PSMG1: variants seen among roughly 807,000 people sequenced by gnomAD.
The protein encoded by PSMG1 is Down syndrome critical region gene 2.
Under a neutral mutation model 37.2 loss-of-function variants are expected in PSMG1, and 23 were observed. The ratio of observed to expected loss-of-function variants is 0.62; its 90% CI spans 0.44 to 0.88. PSMG1 has a LOEUF of 0.88. Among genes scored for constraint, PSMG1 ranks in the 40% least tolerant of loss-of-function variants. The pLI, the probability that PSMG1 is intolerant of heterozygous loss-of-function variation, is 0.00. For synonymous variants in PSMG1, 127 were observed against 128.0 expected, an observed-to-expected ratio of 0.99 and a Z score of 0.05; for missense variants, 340 against 344.2, an observed-to-expected ratio of 0.99 and a Z score of 0.10.
At position 39,177,492 on chromosome 21, in the gene PSMG1, G is replaced by T; in HGVS notation, c.735C>A (p.Ile245=). The T allele has an allele frequency of 6.2e-7, 1 of 1,608,276 alleles. No individual in the cohort carries two copies. Among genetic ancestry groups the T allele is most frequent in the Non-Finnish European group, 8.5e-7 (1 of 1,177,576 alleles). Residue 245 remains isoleucine, a synonymous_variant, in exon 6 of 7, where the codon ATC becomes ATA. Transcript: ENST00000331573. The part of the protein sequence containing the change: ...CYTDVMKLDL[I]TVEAFKPILS... Reference sequence around the variant, plus strand: ...GTATAGGCTTAAAAGCTTCCACTGTGATTAGGTCTAATTTCATCACATCAG... The same window carrying T: ...GTATAGGCTTAAAAGCTTCCACTGTTATTAGGTCTAATTTCATCACATCAG...
At chr21:39,177,717 A>G (rs2030680031) in intron 5 of PSMG1, 146 bp from the exon 6 acceptor site, 4 of 513,748 alleles carry the variant, frequency 7.8e-6, no homozygotes, top group Non-Finnish European at 9.2e-6. Flanking sequence ...ATTTTGAACC[A>G]ATTATAATGA....
Position 39,177,519 on chromosome 21 carries a change from A to T in PSMG1, c.708T>A (p.Tyr236Ter). 1 of 1,606,110 alleles carries T rather than the reference A, an allele frequency of 6.2e-7. No individual in the cohort carries two copies. The highest frequency in any genetic ancestry group is 8.5e-7 in the Non-Finnish European group (1 of 1,176,078). The change falls in exon 6 of 7, where the codon TAT becomes TAA. Residue 236 changes from tyrosine to a stop codon, truncating the protein, a stop_gained. Transcript: ENST00000331573. LOFTEE classifies it high-confidence loss of function. Reference sequence around the variant, plus strand: ...TTAGGTCTAATTTCATCACATCAGTATAACACAAGTACAGAATTGCTGGGA... The same window carrying T: ...TTAGGTCTAATTTCATCACATCAGTTTAACACAAGTACAGAATTGCTGGGA... ...WKIPAILYLC[Y>*]TDVMKLDLIT... is the part of the protein sequence containing the mutation.
chr21:39,177,486 C>CA lies in PSMG1; in HGVS notation c.740dup (p.Glu248GlyfsTer4). On this transcript the variant is annotated frameshift_variant, in exon 6 of 7. Transcript: ENST00000331573. LOFTEE classifies it high-confidence loss of function. Reference sequence around the variant, plus strand: ...TAGAAAGTATAGGCTTAAAAGCTTCCACTGTGATTAGGTCTAATTTCATCA... The same window carrying CA: ...TAGAAAGTATAGGCTTAAAAGCTTCCAACTGTGATTAGGTCTAATTTCATCA... The CA allele has an allele frequency of 6.2e-7, 1 of 1,607,574 alleles. No individual in the cohort carries two copies. Among genetic ancestry groups the CA allele is most frequent in the Non-Finnish European group, 8.5e-7 (1 of 1,177,386 alleles).
chr21:39,181,069 C>T (rs1173492925), intron 2 of PSMG1, among the ~76,000 whole-genome samples: 1 of 152,116 alleles, frequency 6.6e-6, no homozygotes, highest in Non-Finnish European at 1.5e-5. Flanking sequence ...AACATAAACC[C>T]GGATACCTCA....
In PSMG1 at chr21:39,182,932, C is replaced by T. The variant is rs1247369311; in HGVS notation, c.134+320G>A. 2.7e-5 allele frequency: 8 copies of T among 292,838 alleles called. No individual in the cohort carries two copies. In the East Asian group the frequency reaches 3.2e-4, roughly 12 times the overall value. 18.1% of individuals were successfully genotyped at this position (292,838 alleles called of 1,614,324 possible). A position where few individuals can be genotyped will look rare whatever the true frequency, so the allele number is the denominator to read the frequency against. ...GGGAAGATCACGAGTCCGCAAGACA[C>T]CAAGCCTCCAGAAATGCTCCAGAAA... On this transcript the variant is annotated intron_variant, in intron 1 of 6. Transcript: ENST00000331573.
At chr21:39,176,439 G>A (rs1044000640) in intron 6 of PSMG1, among the ~76,000 whole-genome samples, 1 of 152,224 alleles carries the variant, frequency 6.6e-6, no homozygotes, top group African/African-American at 2.4e-5. Flanking sequence ...TAAGTGGGAT[G>A]AGGCAATTGG....
intron 4 of PSMG1, among the ~76,000 whole-genome samples, chr21:39,179,607 C>G (rs1445525297): frequency 1.3e-5 from 2 of 151,930 alleles, no homozygotes; most frequent in African/African-American, 4.8e-5. Flanking sequence ...GTGATGTAAA[C>G]AAAGAAAGAT....
intron 2 of PSMG1, among the ~76,000 whole-genome samples, chr21:39,181,321 G>C (rs1033339611): frequency 8.6e-5 from 13 of 151,880 alleles, no homozygotes; most frequent in African/African-American, 3.1e-4. Context: ...ATTTTTTGTA[G>C]AGATACGGTC....
intron 6 of PSMG1, among the ~76,000 whole-genome samples, chr21:39,176,205 C>T (rs1473171506): frequency 6.6e-6 from 1 of 152,150 alleles, no homozygotes; most frequent in African/African-American, 2.4e-5. Flanking sequence ...ACCATCTTAC[C>T]CTCCTGCTAA....
At chr21:39,183,487 CCGCACAGGCCACGCCCTCCG>C, upstream of PSMG1, 1 of 1,376,126 alleles carries the variant, frequency 7.3e-7, no homozygotes. Context: ...AAGTCCCGCC[CCGCACAGGCCACGCCCTCCG>C]CGCACAGCCC....
intron 6 of PSMG1, among the ~76,000 whole-genome samples, chr21:39,176,843 A>C (rs764966865): frequency 1.3e-5 from 2 of 152,234 alleles, no homozygotes; most frequent in East Asian, 1.9e-4. Context: ...CTTTAAAGAA[A>C]CCATGCTTAA....
At chr21:39,179,723 G>A (rs1377508557) in intron 4 of PSMG1, among the ~76,000 whole-genome samples, 9 of 151,810 alleles carry the variant, frequency 5.9e-5, no homozygotes, top group Admixed American at 5.9e-4. Flanking sequence ...GAGGACGGGA[G>A]GACACAGAAG....
chr21:39,177,063 ATAT>A (rs2030650238), intron 6 of PSMG1, among the ~76,000 whole-genome samples: 1 of 152,282 alleles, frequency 6.6e-6, no homozygotes, highest in East Asian at 1.9e-4. Context: ...GGGTAAATAA[ATAT>A]TATAATAATT....
intron 2 of PSMG1, among the ~76,000 whole-genome samples, 168 bp downstream of exon 2, chr21:39,181,604 C>CA (rs969742240): frequency 1.3e-3 from 199 of 150,008 alleles, no homozygotes; most frequent in African/African-American, 4.7e-3. Flanking sequence ...AAAAACAAAA[C>CA]AAAAAAAAAT....
At position 39,180,414 on chromosome 21, in the gene PSMG1, C is replaced by T. The variant is rs747517912; in HGVS notation, c.264G>A (p.Met88Ile). The T allele has an allele frequency of 6.3e-7, 1 of 1,597,742 alleles. No individual in the cohort carries two copies. The highest frequency in any genetic ancestry group is 1.1e-5 in the South Asian group (1 of 87,410). Reference sequence around the variant, plus strand: ...CAACTTCCTCCCAGACTCCTGAATTCATAACAAATGATGACAGAAATGCTG... The same window carrying T: ...CAACTTCCTCCCAGACTCCTGAATTTATAACAAATGATGACAGAAATGCTG... ...NAVAFLSSFVMNSGVWEEVGC... is the reference protein window; with the variant it reads ...NAVAFLSSFVINSGVWEEVGC... The change falls in exon 3 of 7, where the codon ATG (methionine) becomes ATA (isoleucine). Residue 88 changes from methionine to isoleucine, a missense_variant. By Grantham distance (10) the Met-to-Ile change is conservative. Transcript: ENST00000331573.
At position 39,177,476 on chromosome 21, in the gene PSMG1, T is replaced by A; in HGVS notation, c.751A>T (p.Lys251Ter). Reference protein sequence around the residue: ...KLDLITVEAFKPILSTRSLKG... With the variant: ...KLDLITVEAF ...AAGCTTCTGGTAGAAAGTATAGGCT[T>A]AAAAGCTTCCACTGTGATTAGGTCT... is the stretch of plus-strand genomic sequence containing the variant. The change falls in exon 6 of 7, where the codon AAG (lysine) becomes TAG (stop). Residue 251 changes from lysine to a stop codon, truncating the protein, a stop_gained. Transcript: ENST00000331573. LOFTEE classifies it high-confidence loss of function. 1.2e-6 allele frequency: 2 copies of A among 1,607,270 alleles called. No individual in the cohort carries two copies. Among genetic ancestry groups the A allele is most frequent in the Non-Finnish European group, 1.7e-6 (2 of 1,177,506 alleles).
chr21:39,183,041 A>T (rs569176104), intron 1 of PSMG1: 97 of 564,938 alleles, frequency 1.7e-4, no homozygotes, highest in Non-Finnish European at 2.4e-4. Flanking sequence ...ACGCCAGCAG[A>T]TCCACGCGAG....
chr21:39,176,918 G>A (rs2030644617), intron 6 of PSMG1, among the ~76,000 whole-genome samples: 1 of 152,192 alleles, frequency 6.6e-6, no homozygotes, highest in Non-Finnish European at 1.5e-5. Flanking sequence ...TAAACTACCT[G>A]AGATTACAGG....
In PSMG1 at chr21:39,178,610, G is replaced by C; in HGVS notation, c.494C>G (p.Thr165Ser). 6.2e-7 allele frequency: 1 copy of C among 1,614,086 alleles called. No individual in the cohort carries two copies. Among genetic ancestry groups the C allele is most frequent in the South Asian group, 1.1e-5 (1 of 91,078 alleles). ...GGTAACATGTCGACATGTGAGAATA[G>C]TTATCTGCATGTTCTTCCTTGGACA... ...GSCPRKNMQI[T>S]ILTCRHVTDY... Residue 165 changes from threonine (T) to serine (S), a missense_variant, in exon 5 of 7, where the codon ACT becomes AGT. Coordinates refer to ENST00000331573, the MANE Select transcript of PSMG1 (RefSeq NM_003720.4).
Sources: gnomAD v4.1 joint callset for allele counts (sites outside exome capture counted in the v4.1 genomes callset) on GRCh38, gnomAD v4.1.1 for gene constraint, MANE v1.5 for transcripts, NCBI Gene and HGNC (gene_info 2026-07-23, HGNC 2026-07-21) for gene names.